Variants in PARD3 observed in about 807,000 individuals in gnomAD.
The protein encoded by PARD3 is partitioning defective 3 homolog.
A neutral mutation model predicts 155.4 loss-of-function variants in PARD3; 75 were observed. The ratio of observed to expected loss-of-function variants is 0.48; its 90% CI spans 0.40 to 0.58. The LOEUF is 0.58. Ranked by LOEUF, PARD3 falls within the 20% of genes least tolerant of loss-of-function variation. The pLI is 0.00. For missense variants in PARD3, 1,642 were observed against 1,721.7 expected (o/e 0.95, Z 0.82); for synonymous variants, 576 against 610.5 (o/e 0.94, Z 0.83).
intron 8 of PARD3, among the ~76,000 whole-genome samples, chr10:34,383,591 A>G (rs1438129630): frequency 6.6e-6 from 1 of 152,142 alleles, no homozygotes; most frequent in Non-Finnish European, 1.5e-5. Context: ...CAGGACCTCA[A>G]GTTCTTAAGA....
intron 3 of PARD3, among the ~76,000 whole-genome samples, chr10:34,479,193 G>A (rs955284373): frequency 1.6e-4 from 21 of 133,862 alleles, no homozygotes; most frequent in African/African-American, 6.2e-4. Flanking sequence ...ACAGAGTCTC[G>A]CCCTGTCGCC....
chr10:34,189,735 C>T (rs1020964847), intron 22 of PARD3, among the ~76,000 whole-genome samples: 1 of 152,178 alleles, frequency 6.6e-6, no homozygotes, highest in Admixed American at 6.5e-5. Context: ...CTTCACAGAA[C>T]ACCACTTTTC....
chr10:34,565,259 G>GTTT (rs1401119013), intron 2 of PARD3, among the ~76,000 whole-genome samples: 5 of 87,656 alleles, frequency 5.7e-5, no homozygotes, highest in African/African-American at 1.0e-4. Flanking sequence ...AAGGAGCAAG[G>GTTT]CTTTTTTTTT....
chr10:34,700,390 T>C (rs2133526774), intron 1 of PARD3, among the ~76,000 whole-genome samples: 4 of 152,306 alleles, frequency 2.6e-5, no homozygotes, highest in Admixed American at 2.6e-4. Context: ...GAGAAAACAG[T>C]GCAAAGTCCT....
intron 1 of PARD3, among the ~76,000 whole-genome samples, chr10:34,809,361 G>A (rs544239276): frequency 4.6e-5 from 7 of 152,178 alleles, no homozygotes; most frequent in African/African-American, 1.2e-4. Context: ...GAGGAAGGGC[G>A]CACGGATACA....
chr10:34,179,164 G>GTGCA lies in PARD3; in HGVS notation c.3420-47582_3420-47581insTGCA, dbSNP rs1491315474. On this transcript the variant is annotated intron_variant, in intron 22 of 24. Coordinates refer to ENST00000374788, the MANE Select transcript of PARD3 (RefSeq NM_001184785.2). ...ATTCATTTATAGCACGCATGTGCGT[G>GTGCA]CGCGCACACACACACACACACACAC... Among the ~76,000 whole-genome samples the GTGCA allele has an allele frequency of 9.0e-3, 897 of 100,150 alleles. 8 individuals carry two copies. Among genetic ancestry groups the GTGCA allele is most frequent in the African/African-American group, 0.057 (846 of 14,894 alleles). The allele number at this position is 100,150 out of a possible 152,430, so 65.7% of individuals were successfully genotyped here.
intron 1 of PARD3, among the ~76,000 whole-genome samples, chr10:34,760,020 GTATA>G (rs965578673): frequency 6.6e-6 from 1 of 152,094 alleles, no homozygotes; most frequent in African/African-American, 2.4e-5. Context: ...ATGCCACTAG[GTATA>G]TAGGTTTCAA....
chr10:34,654,417 T>C (rs1371802766), intron 2 of PARD3, among the ~76,000 whole-genome samples: 1 of 152,240 alleles, frequency 6.6e-6, no homozygotes, highest in Non-Finnish European at 1.5e-5. Context: ...ACAGCAGGGC[T>C]GAACTTCGAA....
intron 22 of PARD3, among the ~76,000 whole-genome samples, chr10:34,185,244 A>T (rs138992788): frequency 6.6e-6 from 1 of 152,332 alleles, no homozygotes; most frequent in Non-Finnish European, 1.5e-5. Context: ...CTGGAAAAAC[A>T]GTTGAGAGGT....
At chr10:34,337,503 C>T (rs1836317703) in intron 16 of PARD3, 77 bp from the exon 17 acceptor site, 2 of 800,732 alleles carry the variant, frequency 2.5e-6, no homozygotes, top group African/African-American at 1.8e-5. Context: ...TTCATACATA[C>T]CTGCAAGTGT....
intron 2 of PARD3, among the ~76,000 whole-genome samples, chr10:34,542,405 A>C (rs1274786232): frequency 1.3e-5 from 2 of 152,160 alleles, no homozygotes; most frequent in African/African-American, 4.8e-5. Flanking sequence ...TTGACCTCTA[A>C]ACAGTATAGG....
intron 2 of PARD3, 30 bp downstream of exon 2, chr10:34,696,281 ATGCATTC>A (rs1564519184): frequency 7.8e-7 from 1 of 1,276,734 alleles, no homozygotes; most frequent in Non-Finnish European, 1.1e-6. Flanking sequence ...AAAAAAAAAA[ATGCATTC>A]AGAACAGGTT....
At chr10:34,403,411 T>C (rs916074509) in intron 5 of PARD3, among the ~76,000 whole-genome samples, 1 of 152,212 alleles carries the variant, frequency 6.6e-6, no homozygotes, top group Non-Finnish European at 1.5e-5. Flanking sequence ...TAGAAACGTG[T>C]ATGCCATCAA....
rs535825238 is a variant in PARD3 at position 34,694,300 on chromosome 10, G to A, written c.222+2018C>T. ...AAATTCTTCATAAATCTCTGTAGTT[G>A]CCTTGAGTGTTGGAATTGAGCCACA... On this transcript the variant is annotated intron_variant, in intron 2 of 24. Transcript: ENST00000374788. Among the ~76,000 whole-genome samples the A allele has an allele frequency of 1.8e-4, 27 of 152,178 alleles. 1 individual carries two copies. The highest frequency in any genetic ancestry group is 5.8e-4 in the African/African-American group (24 of 41,530).
intron 1 of PARD3, among the ~76,000 whole-genome samples, chr10:34,770,376 C>T (rs757535401): frequency 6.6e-6 from 1 of 152,318 alleles, no homozygotes; most frequent in South Asian, 2.1e-4. Context: ...GATGACACCT[C>T]GAGCCCTCGG....
chr10:34,233,725 C>T (rs1245729937), intron 22 of PARD3, among the ~76,000 whole-genome samples: 2 of 151,996 alleles, frequency 1.3e-5, no homozygotes, highest in South Asian at 2.1e-4. Context: ...GGTTTAAAAT[C>T]GCTCTCTCGT....
chr10:34,586,398 T>A (rs2088051717), intron 2 of PARD3, among the ~76,000 whole-genome samples: 1 of 152,124 alleles, frequency 6.6e-6, no homozygotes, highest in Admixed American at 6.5e-5. Context: ...TAAGGGAACC[T>A]GCAGAGCTCT....
At chr10:34,279,141 CTTTTTTTTTTTTTT>C (rs143467605) in intron 21 of PARD3, among the ~76,000 whole-genome samples, 1 of 102,052 alleles carries the variant, frequency 9.8e-6, no homozygotes, top group East Asian at 2.7e-4. Flanking sequence ...ATATTTTTTC[CTTTTTTTTTTTTTT>C]TTTTTTTTAG....
chr10:34,328,959 T>A (rs1835328329), intron 19 of PARD3, among the ~76,000 whole-genome samples: 1 of 152,276 alleles, frequency 6.6e-6, no homozygotes, highest in East Asian at 1.9e-4. Flanking sequence ...GCAGCGTGTT[T>A]TAGGGCACCT....
Sources: allele counts gnomAD v4.1 joint callset (sites outside exome capture counted in the v4.1 genomes callset), GRCh38; gene constraint gnomAD v4.1.1; transcripts MANE v1.5; gene names NCBI Gene and HGNC (gene_info 2026-07-23, HGNC 2026-07-21).